The following ATP6V1A variants were observed in gnomAD, a reference collection of about 807,000 sequenced individuals.
ATP6V1A encodes the protein V-type proton ATPase catalytic subunit A.
In ATP6V1A, 18 loss-of-function variants were observed where a neutral mutation model predicts 70.1. The observed-to-expected ratio is 0.26, with a 90% CI of 0.18 to 0.38. ATP6V1A has a LOEUF of 0.38. ATP6V1A is among the 10% of genes least tolerant of loss of function. The probability of loss-of-function intolerance (pLI) is 1.00; values close to 1 mark genes in which losing one functional copy is unlikely to be tolerated. For missense variants in ATP6V1A, 424 were observed against 772.4 expected (o/e 0.55, Z 5.35); for synonymous variants, 232 against 253.8 (o/e 0.91, Z 0.82).
At chr3:113,783,363 C>T (rs1315183617) in intron 3 of ATP6V1A, among the ~76,000 whole-genome samples, 1 of 152,142 alleles carries the variant, frequency 6.6e-6, no homozygotes, top group Non-Finnish European at 1.5e-5. Flanking sequence ...ACTGATTTTA[C>T]TCCTGTCAAC....
At chr3:113,749,256 A>T in intron 1 of ATP6V1A, among the ~76,000 whole-genome samples, 1 of 126,846 alleles carries the variant, frequency 7.9e-6, no homozygotes, top group African/African-American at 3.1e-5. Flanking sequence ...TTGACATTAT[A>T]CACAGATCAC....
chr3:113,788,737 T>C lies in ATP6V1A; in HGVS notation c.741T>C (p.Ala247=). The C allele has an allele frequency of 3.7e-6, 6 of 1,614,004 alleles. No individual in the cohort carries two copies. Among genetic ancestry groups the C allele is most frequent in the Non-Finnish European group, 5.1e-6 (6 of 1,179,940 alleles). The change falls in exon 7 of 15, where the codon GCT becomes GCC. Residue 247 remains alanine, a synonymous_variant. Coordinates refer to ENST00000273398, the MANE Select transcript of ATP6V1A (RefSeq NM_001690.4). ...LFPCVQGGTT[A]IPGAFGCGKT... is the part of the protein sequence containing the mutation. ...GGTGTGTCCAGGGAGGAACTACTGC[T>C]ATCCCTGGAGCCTTTGGCTGTGGAA...
At chr3:113,803,410 C>G (rs1709237713) in intron 12 of ATP6V1A, 173 bp from the exon 13 acceptor site, 1 of 583,302 alleles carries the variant, frequency 1.7e-6, no homozygotes, top group Admixed American at 3.2e-5. Context: ...TTTTATGTTA[C>G]ATGCCTTTTA....
intron 8 of ATP6V1A, 59 bp from the exon 9 acceptor site, chr3:113,794,813 A>T: frequency 6.5e-7 from 1 of 1,547,218 alleles, no homozygotes; most frequent in Non-Finnish European, 8.7e-7. Flanking sequence ...AAGGGTGGAA[A>T]AAAACAGGAT....
chr3:113,764,118 T>G (rs1393951442), intron 1 of ATP6V1A, among the ~76,000 whole-genome samples: 1 of 151,950 alleles, frequency 6.6e-6, no homozygotes, highest in Non-Finnish European at 1.5e-5. Context: ...ATGCCTGTGG[T>G]CCCAGTAAGG....
chr3:113,771,802 G>A (rs1053044500), intron 1 of ATP6V1A, among the ~76,000 whole-genome samples: 4 of 152,058 alleles, frequency 2.6e-5, no homozygotes, highest in Admixed American at 1.3e-4. Context: ...TATTTATAAG[G>A]TACATATTTT....
intron 4 of ATP6V1A, 75 bp from the exon 5 acceptor site, chr3:113,784,621 T>C: frequency 6.5e-7 from 1 of 1,549,154 alleles, no homozygotes; most frequent in Non-Finnish European, 8.8e-7. Context: ...AGGTAATTGA[T>C]TTAAATTATA....
intron 1 of ATP6V1A, among the ~76,000 whole-genome samples, chr3:113,774,094 G>A (rs1708882188): frequency 6.6e-6 from 1 of 151,936 alleles, no homozygotes; most frequent in African/African-American, 2.4e-5. Context: ...AACTAGATTT[G>A]GTTCAAGATA....
intron 14 of ATP6V1A, among the ~76,000 whole-genome samples, chr3:113,808,550 C>T (rs1168802923): frequency 1.3e-5 from 2 of 152,010 alleles, no homozygotes; most frequent in Non-Finnish European, 2.9e-5. Context: ...CCTCGGCCCC[C>T]CAAAGTGCTG....
At chr3:113,784,863 A>G in intron 5 of ATP6V1A, 30 bp downstream of exon 5, 1 of 1,607,770 alleles carries the variant, frequency 6.2e-7, no homozygotes, top group Non-Finnish European at 8.5e-7. Context: ...TATCCTGCAG[A>G]GTGCCTCTAT....
At chr3:113,767,149 T>C (rs949670602) in intron 1 of ATP6V1A, among the ~76,000 whole-genome samples, 2 of 149,088 alleles carry the variant, frequency 1.3e-5, no homozygotes, top group Non-Finnish European at 3.0e-5. Flanking sequence ...TAGAGTGCAG[T>C]GGCGTGATCT....
intron 8 of ATP6V1A, among the ~76,000 whole-genome samples, chr3:113,790,247 G>C (rs1442683607): frequency 6.9e-6 from 1 of 144,280 alleles, no homozygotes; most frequent in African/African-American, 2.6e-5. Flanking sequence ...AGGTTGCAGC[G>C]AGCCGAGATC....
chr3:113,801,730 G>A (rs910479648), intron 12 of ATP6V1A, among the ~76,000 whole-genome samples: 6 of 152,096 alleles, frequency 3.9e-5, no homozygotes, highest in African/African-American at 1.2e-4. Context: ...AGACCATGTT[G>A]CACAGCAGCA....
intron 6 of ATP6V1A, 108 bp from the exon 7 acceptor site, chr3:113,788,605 A>G (rs772164931): frequency 1.6e-5 from 16 of 1,025,328 alleles, no homozygotes; most frequent in Admixed American, 2.8e-5. Flanking sequence ...TTCGGCCCCC[A>G]CAAGTGCTGC....
intron 2 of ATP6V1A, chr3:113,780,588 A>G (rs1423657939): frequency 7.8e-6 from 3 of 382,236 alleles, no homozygotes; most frequent in Non-Finnish European, 1.4e-5. Context: ...GTTATTAGAA[A>G]GTAAACATGT....
intron 1 of ATP6V1A, among the ~76,000 whole-genome samples, chr3:113,760,620 C>G (rs866811944): frequency 6.6e-6 from 1 of 151,206 alleles, no homozygotes; most frequent in African/African-American, 2.4e-5. Context: ...CCCAGCTACT[C>G]AGGAGGCTGA....
intron 3 of ATP6V1A, among the ~76,000 whole-genome samples, chr3:113,781,716 T>C (rs1460932016): frequency 6.6e-6 from 1 of 152,222 alleles, no homozygotes; most frequent in Non-Finnish European, 1.5e-5. Context: ...CTTTCATTGC[T>C]CTTACTGCTT....
chr3:113,750,662 G>A (rs1245803145), intron 1 of ATP6V1A, among the ~76,000 whole-genome samples: 2 of 152,118 alleles, frequency 1.3e-5, no homozygotes, highest in East Asian at 1.9e-4. Context: ...GTTTTCTCAC[G>A]TTTAAATCTA....
chr3:113,801,205 A>T (rs1709208078), intron 12 of ATP6V1A: 2 of 123,548 alleles, frequency 1.6e-5, no homozygotes, highest in Admixed American at 9.8e-5. Flanking sequence ...TGTTTAGAAA[A>T]ATTTTAATTT....
Sources: gnomAD v4.1 joint callset for allele counts (sites outside exome capture counted in the v4.1 genomes callset) on GRCh38, gnomAD v4.1.1 for gene constraint, MANE v1.5 for transcripts, NCBI Gene and HGNC (gene_info 2026-07-23, HGNC 2026-07-21) for gene names.